Variants in BZW2 observed in about 807,000 individuals in gnomAD.
The protein encoded by BZW2 is eIF5-mimic protein 1.
Under a neutral mutation model 53.2 loss-of-function variants are expected in BZW2, and 23 were observed. The observed-to-expected ratio is 0.43, with a 90% CI of 0.31 to 0.61. BZW2 has a LOEUF of 0.61. Ranked by LOEUF, BZW2 falls within the 20% of genes least tolerant of loss-of-function variation. The pLI, the probability that BZW2 is intolerant of heterozygous loss-of-function variation, is 0.09. For synonymous variants in BZW2, 227 were observed against 186.4 expected, an observed-to-expected ratio of 1.22 and a Z score of -1.77; for missense variants, 409 against 503.1, an observed-to-expected ratio of 0.81 and a Z score of 1.79.
chr7:16,672,289 A>AT (rs1328428107), intron 2 of BZW2, among the ~76,000 whole-genome samples: 2 of 151,850 alleles, frequency 1.3e-5, no homozygotes, highest in Non-Finnish European at 2.9e-5. Flanking sequence ...TATTCGATGT[A>AT]TTTTTTTGGA....
intron 5 of BZW2, 60 bp downstream of exon 5, chr7:16,682,905 A>C: frequency 8.2e-7 from 1 of 1,221,564 alleles, no homozygotes; most frequent in Non-Finnish European, 1.1e-6. Flanking sequence ...GTGGATAAAA[A>C]TTTTATAAGT....
intron 1 of BZW2, among the ~76,000 whole-genome samples, chr7:16,664,006 TC>T (rs1782343571): frequency 6.6e-6 from 1 of 152,204 alleles, no homozygotes; most frequent in Non-Finnish European, 1.5e-5. Context: ...CTTGTAGCCT[TC>T]TTAAATTGTT....
At chr7:16,691,880 G>C (rs1583744973) in intron 7 of BZW2, among the ~76,000 whole-genome samples, 1 of 55,996 alleles carries the variant, frequency 1.8e-5, no homozygotes, top group Non-Finnish European at 3.0e-5. Flanking sequence ...ACTAGGTTCT[G>C]TGTGTGTGTG....
At chr7:16,651,350 G>A (rs1310417111) in intron 1 of BZW2, among the ~76,000 whole-genome samples, 1 of 152,180 alleles carries the variant, frequency 6.6e-6, no homozygotes, top group Non-Finnish European at 1.5e-5. Context: ...ATAACGTTTA[G>A]CACTGTAGAG....
At chr7:16,703,772 CAATT>C (rs1381506503) in intron 10 of BZW2, among the ~76,000 whole-genome samples, 1 of 152,052 alleles carries the variant, frequency 6.6e-6, no homozygotes, top group African/African-American at 2.4e-5. Context: ...TAAATACTCT[CAATT>C]AATGTTATGT....
At chr7:16,698,321 T>G (rs946607861) in intron 10 of BZW2, 135 bp downstream of exon 10, 2 of 1,207,608 alleles carry the variant, frequency 1.7e-6, no homozygotes, top group African/African-American at 3.0e-5. Flanking sequence ...TGTGAAAGTT[T>G]TATTGAGGCA....
chr7:16,683,778 A>G (rs1783029522), intron 5 of BZW2, among the ~76,000 whole-genome samples: 1 of 152,190 alleles, frequency 6.6e-6, no homozygotes, highest in East Asian at 1.9e-4. Flanking sequence ...CCAATTTTAG[A>G]TAACTATCTA....
intron 6 of BZW2, among the ~76,000 whole-genome samples, chr7:16,689,097 A>G (rs903875367): frequency 1.3e-5 from 2 of 152,042 alleles, no homozygotes; most frequent in Non-Finnish European, 2.9e-5. Flanking sequence ...GTGGTGGTGC[A>G]TGCCTGTAAT....
chr7:16,655,114 T>G (rs1730890559), intron 1 of BZW2, among the ~76,000 whole-genome samples: 2 of 152,182 alleles, frequency 1.3e-5, no homozygotes, highest in Admixed American at 6.5e-5. Context: ...TTTCAATGGA[T>G]TAGACTCTGA....
At chr7:16,665,332 G>A (rs1782390454) in intron 1 of BZW2, 105 bp from the exon 2 acceptor site, 2 of 1,323,664 alleles carry the variant, frequency 1.5e-6, no homozygotes, top group Non-Finnish European at 2.1e-6. Flanking sequence ...GGCATATTCA[G>A]TAATGAGTGA....
At chr7:16,681,431 A>T in intron 4 of BZW2, 27 bp downstream of exon 4, 1 of 1,582,144 alleles carries the variant, frequency 6.3e-7, no homozygotes, top group East Asian at 2.2e-5. Flanking sequence ...AGACTGAAGC[A>T]TTTGAAGAGG....
chr7:16,648,283 A>C (rs1781916164), intron 1 of BZW2, among the ~76,000 whole-genome samples: 1 of 152,218 alleles, frequency 6.6e-6, no homozygotes, highest in African/African-American at 2.4e-5. Context: ...TCTGTGCTAG[A>C]TATTCTACCA....
intron 1 of BZW2, among the ~76,000 whole-genome samples, chr7:16,654,916 TTAAA>T (rs1161223841): frequency 1.3e-5 from 2 of 152,184 alleles, no homozygotes; most frequent in African/African-American, 4.8e-5. Context: ...TAATTTTTCC[TTAAA>T]TATTCTATAA....
Position 16,685,980 on chromosome 7 carries a change from A to C in BZW2, c.481A>C (p.Asn161His). 1 of 1,597,506 alleles carries C rather than the reference A, an allele frequency of 6.3e-7. No individual in the cohort carries two copies. The highest frequency in any genetic ancestry group is 8.5e-7 in the Non-Finnish European group (1 of 1,173,428). ...GATGCTGTCGGGGATTCTGCTGGGC[A>C]ATGGCACCCTGCCCGCCACCATCCT... is the stretch of plus-strand genomic sequence containing the variant. The part of the protein sequence containing the change: ...LAMLSGILLG[N>H]GTLPATILTS... The change falls in exon 6 of 12, where the codon AAT becomes CAT. Residue 161 changes from asparagine to histidine, a missense_variant. Transcript: ENST00000258761.
intron 1 of BZW2, among the ~76,000 whole-genome samples, chr7:16,653,210 C>T (rs948299873): frequency 6.6e-6 from 1 of 152,154 alleles, no homozygotes; most frequent in African/African-American, 2.4e-5. Flanking sequence ...TCCACTATTA[C>T]GATTTTTAAG....
chr7:16,696,847 C>T lies in BZW2; in HGVS notation c.823-68C>T. Reference sequence around the variant, plus strand: ...TGCCCCAAAACCTTGATTGACTGGGCAGCTAGCGGGGAGATGGGAGCCCTC... The same window carrying T: ...TGCCCCAAAACCTTGATTGACTGGGTAGCTAGCGGGGAGATGGGAGCCCTC... On this transcript the variant is annotated intron_variant, in intron 8 of 11. Coordinates refer to ENST00000258761, the MANE Select transcript of BZW2 (RefSeq NM_014038.3). The T allele has an allele frequency of 2.0e-6, 3 of 1,530,192 alleles. No homozygotes were observed. The Admixed American group carries it at 5.2e-5, about 27-fold the overall frequency. The allele number at this position is 1,530,192 out of a possible 1,614,324, so 94.8% of individuals were successfully genotyped here. A position where few individuals can be genotyped will look rare whatever the true frequency, so the allele number is the denominator to read the frequency against.
chr7:16,660,219 C>G (rs894574074), intron 1 of BZW2, among the ~76,000 whole-genome samples: 1 of 151,402 alleles, frequency 6.6e-6, no homozygotes. Context: ...TTTTTTCCAC[C>G]TTGGGCAACA....
chr7:16,668,217 G>C (rs1782488621), intron 2 of BZW2, among the ~76,000 whole-genome samples: 1 of 152,122 alleles, frequency 6.6e-6, no homozygotes. Context: ...GCTCAAGAGA[G>C]GGCCTCAGAA....
intron 1 of BZW2, among the ~76,000 whole-genome samples, chr7:16,655,100 C>A (rs1782088709): frequency 6.6e-6 from 1 of 152,076 alleles, no homozygotes; most frequent in African/African-American, 2.4e-5. Flanking sequence ...TGGCCACCTA[C>A]TTTTTTCAAT....
Sources: gnomAD v4.1 joint callset for allele counts (sites outside exome capture counted in the v4.1 genomes callset) on GRCh38, gnomAD v4.1.1 for gene constraint, MANE v1.5 for transcripts, NCBI Gene and HGNC (gene_info 2026-07-23, HGNC 2026-07-21) for gene names.